ACTL6A: variants seen among roughly 807,000 people sequenced by gnomAD.
ACTL6A encodes the protein actin-like protein 6A.
A neutral mutation model predicts 59.2 loss-of-function variants in ACTL6A; 5 were observed. The ratio of observed to expected loss-of-function variants is 0.08; its 90% CI spans 0.04 to 0.18. The LOEUF is 0.18. ACTL6A is among the 10% of genes least tolerant of loss of function. The pLI is 1.00. For synonymous variants in ACTL6A, 154 were observed against 171.8 expected, an observed-to-expected ratio of 0.90 and a Z score of 0.81; for missense variants, 285 against 526.9, an observed-to-expected ratio of 0.54 and a Z score of 4.49.
chr3:179,583,631 A>G, intron 12 of ACTL6A, 183 bp downstream of exon 12: 1 of 482,428 alleles, frequency 2.1e-6, no homozygotes, highest in Non-Finnish European at 3.7e-6. Context: ...AGTTTCTCTT[A>G]AATTATTTGA....
At chr3:179,569,671 C>CA (rs1717943895) in intron 1 of ACTL6A, 153 bp from the exon 2 acceptor site, 1 of 659,330 alleles carries the variant, frequency 1.5e-6, no homozygotes, top group East Asian at 2.8e-5. Context: ...CTTATGTCTA[C>CA]AAAAAATTTA....
At chr3:179,577,898 TTTAAG>T (rs1329429645) in intron 8 of ACTL6A, among the ~76,000 whole-genome samples, 3 of 152,140 alleles carry the variant, frequency 2.0e-5, no homozygotes, top group African/African-American at 7.2e-5. Flanking sequence ...CCGACGGGCA[TTTAAG>T]TTGATTCCAT....
intron 1 of ACTL6A, among the ~76,000 whole-genome samples, chr3:179,564,108 C>T (rs1717759172): frequency 1.3e-5 from 2 of 152,098 alleles, no homozygotes; most frequent in African/African-American, 4.8e-5. Flanking sequence ...CAGGATCTCA[C>T]GCGTCATTCA....
intron 11 of ACTL6A, 60 bp from the exon 12 acceptor site, chr3:179,583,293 G>C: frequency 7.7e-7 from 1 of 1,306,016 alleles, no homozygotes; most frequent in Non-Finnish European, 1.1e-6. Flanking sequence ...ATTTGTAGTT[G>C]TATTTAAAAC....
rs1161284853 is a variant in ACTL6A at position 179,588,169 on chromosome 3, TTAAG to T, written c.*161_*164del. On this transcript the variant is annotated 3_prime_UTR_variant, in exon 14 of 14. Coordinates refer to ENST00000429709, the MANE Select transcript of ACTL6A (RefSeq NM_004301.5). ...TTAAAGCTTTAACTGGCTCTATAAA[TTAAG>T]TTTGTGCTTTCCTTGAAATGCACTT... 2.0e-6 allele frequency: 1 copy of T among 509,908 alleles called. No homozygotes were observed. Among genetic ancestry groups the T allele is most frequent in the Non-Finnish European group, 3.4e-6 (1 of 297,672 alleles). 31.6% of individuals were successfully genotyped at this position (509,908 alleles called of 1,614,324 possible).
Position 179,568,469 on chromosome 3 carries a change from T to C in ACTL6A, c.26-1355T>C, listed in dbSNP as rs1379148761. ...ATTTCCTCTCTCTCCCTTCTTCAGT[T>C]CATGTAACCACTGAACTGAAGTTGG... On this transcript the variant is annotated intron_variant, in intron 1 of 13. Coordinates refer to ENST00000429709, the MANE Select transcript of ACTL6A (RefSeq NM_004301.5). Among the ~76,000 whole-genome samples the C allele has an allele frequency of 2.0e-5, 3 of 152,034 alleles. No homozygotes were observed. The East Asian group carries it at 5.8e-4, about 29-fold the overall frequency.
chr3:179,567,491 A>G (rs754573072), intron 1 of ACTL6A, among the ~76,000 whole-genome samples: 30 of 152,234 alleles, frequency 2.0e-4, no homozygotes, highest in Non-Finnish European at 1.3e-4. Flanking sequence ...TCAGTCCACA[A>G]CACTGTCATA....
intron 5 of ACTL6A, chr3:179,574,893 T>TTC (rs1428181689): frequency 5.6e-6 from 1 of 177,130 alleles, no homozygotes; most frequent in Non-Finnish European, 1.2e-5. Flanking sequence ...TGCTATTTGC[T>TTC]TCTCTCTGTC....
At chr3:179,587,582 A>G (rs958433409) in intron 13 of ACTL6A, among the ~76,000 whole-genome samples, 1 of 152,150 alleles carries the variant, frequency 6.6e-6, no homozygotes, top group Non-Finnish European at 1.5e-5. Context: ...AAAATAAGAT[A>G]TTAAAAAAAA....
intron 1 of ACTL6A, 156 bp downstream of exon 1, chr3:179,563,273 C>G: frequency 7.8e-7 from 1 of 1,278,030 alleles, no homozygotes; most frequent in Non-Finnish European, 1.1e-6. Flanking sequence ...CTCTGCCCGC[C>G]CCCGGAGCCC....
At chr3:179,576,153 C>A in intron 5 of ACTL6A, 64 bp from the exon 6 acceptor site, 3 of 1,137,022 alleles carry the variant, frequency 2.6e-6, no homozygotes, top group South Asian at 1.2e-5. Flanking sequence ...TAAGAGCCTG[C>A]CCTTTACAAT....
chr3:179,581,080 T>A, intron 10 of ACTL6A, 60 bp from the exon 11 acceptor site: 1 of 1,601,000 alleles, frequency 6.2e-7, no homozygotes, highest in Non-Finnish European at 8.6e-7. Flanking sequence ...CTAAAATGTT[T>A]TGGATATGCT....
rs532346653 is a variant in ACTL6A, at chr3:179,584,794, A to AAAC, written c.1122+1358_1122+1360dup. ...AGCAAGACTCTGGCTCAGGAAAAAAAAACAACAACAACAAAACTTCAAGTG... is the reference window on the plus strand; with the variant it reads ...AGCAAGACTCTGGCTCAGGAAAAAAAAACAACAACAACAACAAAACTTCAAGTG... On this transcript the variant is annotated intron_variant, in intron 12 of 13. Coordinates refer to ENST00000429709, the MANE Select transcript of ACTL6A (RefSeq NM_004301.5). 1.7e-4 allele frequency among the ~76,000 whole-genome samples: 26 copies of AAAC among 152,244 alleles called. No individual in the cohort carries two copies. In the East Asian group the frequency reaches 2.9e-3, roughly 17 times the overall value.
intron 11 of ACTL6A, 183 bp from the exon 12 acceptor site, chr3:179,583,170 T>G: frequency 3.5e-5 from 15 of 426,078 alleles, no homozygotes; most frequent in East Asian, 8.2e-5. Flanking sequence ...GCTCCTTAGA[T>G]GAGTTGAATG....
chr3:179,569,843 T>C lies in ACTL6A; in HGVS notation c.45T>C (p.Val15=), dbSNP rs147541529. ...TTTCAGATGAAGTTGGAGCCCTTGT[T>C]TTTGACATTGGATCCTATACTGTGA... is the stretch of plus-strand genomic sequence containing the variant. ...VYGGDEVGAL[V]FDIGSYTVRA... Residue 15 remains valine, a synonymous_variant, in exon 2 of 14, where the codon GTT becomes GTC. Transcript: ENST00000429709. 406 of 1,614,178 alleles carry C rather than the reference T, an allele frequency of 2.5e-4. 3 individuals are homozygous for C. In the East Asian group the frequency reaches 8.8e-3, roughly 35 times the overall value.
intron 4 of ACTL6A, 41 bp downstream of exon 4, chr3:179,573,510 T>G (rs201088292): frequency 4.9e-5 from 66 of 1,333,996 alleles, no homozygotes; most frequent in Middle Eastern, 3.7e-4. Context: ...TCTAGTTGTT[T>G]TTTTTTTTTC....
At chr3:179,575,770 A>G (rs994365376) in intron 5 of ACTL6A, among the ~76,000 whole-genome samples, 1 of 152,220 alleles carries the variant, frequency 6.6e-6, no homozygotes, top group African/African-American at 2.4e-5. Flanking sequence ...ATGGCTGCCA[A>G]ACTGCTGAAA....
intron 5 of ACTL6A, chr3:179,575,285 A>G (rs1454135883): frequency 4.7e-6 from 2 of 427,082 alleles, no homozygotes; most frequent in Non-Finnish European, 9.3e-6. Context: ...GTCTTCCCAC[A>G]TGCTCCTACT....
At chr3:179,583,148 T>TA in intron 11 of ACTL6A, 1 of 363,580 alleles carries the variant, frequency 2.8e-6, no homozygotes, top group Non-Finnish European at 5.0e-6. Context: ...CCTAGGAATT[T>TA]GTGTTTTAAA....
Sources: gnomAD v4.1 joint callset for allele counts (sites outside exome capture counted in the v4.1 genomes callset) on GRCh38, gnomAD v4.1.1 for gene constraint, MANE v1.5 for transcripts, NCBI Gene and HGNC (gene_info 2026-07-23, HGNC 2026-07-21) for gene names.